ANO2: variants seen among roughly 807,000 people sequenced by gnomAD.
The protein encoded by ANO2 is anoctamin 2.
Under a neutral mutation model 124.2 loss-of-function variants are expected in ANO2, and 101 were observed. The observed-to-expected ratio is 0.81, with a 90% CI of 0.69 to 0.96. The LOEUF (loss-of-function observed/expected upper bound fraction) is 0.96, where lower values mean the gene tolerates loss of function less well. Among genes scored for constraint, ANO2 ranks in the 40% least tolerant of loss-of-function variants. The pLI is 0.00. For missense variants in ANO2, 1,293 were observed against 1,274.5 expected, an observed-to-expected ratio of 1.01 and a Z score of -0.22; for synonymous variants, 486 against 482.5, an observed-to-expected ratio of 1.01 and a Z score of -0.09.
chr12:5,578,663 T>A (rs1323432216), intron 20 of ANO2, 145 bp from the exon 21 acceptor site: 1 of 805,046 alleles, frequency 1.2e-6, no homozygotes, highest in Non-Finnish European at 1.9e-6. Flanking sequence ...TCCTCCTGTG[T>A]CACATACACG....
At chr12:5,676,467 A>G (rs1406403181) in intron 14 of ANO2, among the ~76,000 whole-genome samples, 1 of 152,160 alleles carries the variant, frequency 6.6e-6, no homozygotes, top group African/African-American at 2.4e-5. Flanking sequence ...TGTACAGTAC[A>G]TCTCGTTTTA....
chr12:5,565,631 G>C lies in ANO2; in HGVS notation c.2654C>G (p.Pro885Arg), dbSNP rs754149600. Residue 885 changes from proline to arginine, a missense_variant, in exon 24 of 25, where the codon CCG (proline) becomes CGG (arginine). Pro to Arg is a moderately radical substitution (Grantham distance 103). Transcript: ENST00000682330. Reference sequence around the variant, plus strand: ...CTGTTTCGAAAACTCATAAGGGTTCGGGGCCCATGGCGGCTCTCGGTAATC... The same window carrying C: ...CTGTTTCGAAAACTCATAAGGGTTCCGGGCCCATGGCGGCTCTCGGTAATC... The part of the protein sequence containing the change: ...FKDYREPPWA[P>R]NPYEFSKQYW... The C allele has an allele frequency of 1.2e-6, 2 of 1,604,360 alleles. No homozygotes were observed. Among genetic ancestry groups the C allele is most frequent in the Non-Finnish European group, 1.7e-6 (2 of 1,175,284 alleles).
chr12:5,833,852 C>T (rs1411240755), intron 4 of ANO2, among the ~76,000 whole-genome samples: 3 of 152,238 alleles, frequency 2.0e-5, no homozygotes, highest in Admixed American at 1.3e-4. Context: ...TATTGTCTTC[C>T]GTGAAACCAG....
intron 14 of ANO2, among the ~76,000 whole-genome samples, chr12:5,660,794 G>A (rs926742450): frequency 2.6e-5 from 4 of 152,062 alleles, no homozygotes; most frequent in East Asian, 1.9e-4. Context: ...AACAATAGCC[G>A]GGCTCATTTT....
chr12:5,917,817 A>C (rs7399280), intron 3 of ANO2, among the ~76,000 whole-genome samples: 146,971 of 152,214 alleles, frequency 0.97, 71,160 homozygotes, highest in Middle Eastern at 1. Flanking sequence ...AATCCATCCA[A>C]CTCACCGTCC....
intron 14 of ANO2, among the ~76,000 whole-genome samples, chr12:5,724,810 CG>C: frequency 6.6e-6 from 1 of 152,044 alleles, no homozygotes; most frequent in Non-Finnish European, 1.5e-5. Context: ...ATGGGGGCCC[CG>C]GGGCCTGCGC....
chr12:5,837,142 T>C (rs1447423282), intron 4 of ANO2, among the ~76,000 whole-genome samples: 2 of 152,118 alleles, frequency 1.3e-5, no homozygotes, highest in East Asian at 1.9e-4. Flanking sequence ...CTAAGGCCTC[T>C]GATAGGCCAA....
intron 3 of ANO2, among the ~76,000 whole-genome samples, chr12:5,880,084 C>T (rs1938378026): frequency 6.6e-6 from 1 of 152,064 alleles, no homozygotes; most frequent in Admixed American, 6.5e-5. Context: ...CTGGTGTCCA[C>T]CAGAACACGA....
intron 3 of ANO2, among the ~76,000 whole-genome samples, chr12:5,917,773 T>C (rs1342408039): frequency 2.0e-5 from 3 of 152,062 alleles, no homozygotes; most frequent in Non-Finnish European, 4.4e-5. Context: ...TTCACCGTGT[T>C]GGCCAGGCTG....
chr12:5,797,256 G>C (rs1414901902), intron 10 of ANO2, among the ~76,000 whole-genome samples: 4 of 152,184 alleles, frequency 2.6e-5, no homozygotes, highest in African/African-American at 9.7e-5. Flanking sequence ...GAGGTGGGAG[G>C]AATGATGGAG....
At chr12:5,782,898 A>G (rs1219843439) in intron 10 of ANO2, among the ~76,000 whole-genome samples, 1 of 152,244 alleles carries the variant, frequency 6.6e-6, no homozygotes, top group East Asian at 1.9e-4. Context: ...AATGTCTACT[A>G]GCAGAAATCT....
chr12:5,944,841 G>A (rs1793997984), intron 1 of ANO2, among the ~76,000 whole-genome samples: 1 of 152,110 alleles, frequency 6.6e-6, no homozygotes, highest in African/African-American at 2.4e-5. Flanking sequence ...ACCTTCAGAT[G>A]CTGTAGGCTA....
At chr12:5,745,390 T>C (rs1268957825) in intron 11 of ANO2, among the ~76,000 whole-genome samples, 4 of 152,056 alleles carry the variant, frequency 2.6e-5, no homozygotes, top group Admixed American at 1.3e-4. Context: ...CTGGAGACAA[T>C]GATGGGGAGG....
intron 3 of ANO2, among the ~76,000 whole-genome samples, chr12:5,861,857 G>A: frequency 6.6e-6 from 1 of 152,150 alleles, no homozygotes; most frequent in East Asian, 1.9e-4. Flanking sequence ...CAGGGGTGCT[G>A]AGATGGTGGC....
At position 5,810,763 on chromosome 12, in the gene ANO2, G is replaced by A. The variant is rs190077547; in HGVS notation, c.893-3395C>T. Among the ~76,000 whole-genome samples the A allele has an allele frequency of 2.0e-5, 3 of 152,312 alleles. No individual in the cohort carries two copies. The East Asian group carries it at 5.8e-4, about 29-fold the overall frequency. ...CAAATCACCAGGTACTTCATGCCTA[G>A]TGCTTAGAACTAAAAACCTCCAAAG... On this transcript the variant is annotated intron_variant, in intron 7 of 24. Transcript: ENST00000682330.
At chr12:5,788,839 G>C (rs532133003) in intron 10 of ANO2, among the ~76,000 whole-genome samples, 1 of 152,172 alleles carries the variant, frequency 6.6e-6, no homozygotes, top group Admixed American at 6.5e-5. Context: ...GATTACAGGC[G>C]TGAGCCACCA....
chr12:5,702,873 G>C (rs1002564366), intron 14 of ANO2, among the ~76,000 whole-genome samples: 2 of 152,186 alleles, frequency 1.3e-5, no homozygotes, highest in African/African-American at 4.8e-5. Context: ...GCAAGAACTG[G>C]TAGGGATATA....
chr12:5,800,784 A>G (rs982673834), intron 9 of ANO2, among the ~76,000 whole-genome samples: 1 of 152,192 alleles, frequency 6.6e-6, no homozygotes, highest in African/African-American at 2.4e-5. Flanking sequence ...GAGCAGCTAG[A>G]TATGAAAATC....
intron 1 of ANO2, among the ~76,000 whole-genome samples, chr12:5,928,405 C>G (rs543353554): frequency 5.9e-5 from 9 of 151,306 alleles, no homozygotes; most frequent in African/African-American, 2.2e-4. Context: ...ACTTTCCTTC[C>G]TCACTAGTCT....
Sources: allele counts gnomAD v4.1 joint callset (sites outside exome capture counted in the v4.1 genomes callset), GRCh38; gene constraint gnomAD v4.1.1; transcripts MANE v1.5; gene names NCBI Gene and HGNC (gene_info 2026-07-23, HGNC 2026-07-21).